Variants in SND1 observed in about 807,000 individuals in gnomAD.
SND1 encodes staphylococcal nuclease and tudor domain containing 1, also known as staphylococcal nuclease domain-containing protein 1.
A neutral mutation model predicts 121.7 loss-of-function variants in SND1; 38 were observed. The ratio of observed to expected loss-of-function variants is 0.31; its 90% CI spans 0.24 to 0.41. The LOEUF (loss-of-function observed/expected upper bound fraction) is 0.41, where lower values mean the gene tolerates loss of function less well. SND1 is among the 10% of genes least tolerant of loss of function. SND1 has a pLI of 1.00. For missense variants in SND1, 868 were observed against 1,184.6 expected (o/e 0.73, Z 3.92); for synonymous variants, 401 against 447.4 (o/e 0.90, Z 1.31).
intron 10 of SND1, among the ~76,000 whole-genome samples, chr7:127,792,584 A>G (rs866603953): frequency 3.3e-5 from 5 of 152,320 alleles, no homozygotes; most frequent in Middle Eastern, 3.4e-3. Flanking sequence ...TTGGGGGAAT[A>G]AGAAAAGAAA....
chr7:127,821,867 A>G (rs1174334279), intron 11 of SND1, among the ~76,000 whole-genome samples: 1 of 152,224 alleles, frequency 6.6e-6, no homozygotes, highest in African/African-American at 2.4e-5. Flanking sequence ...GTCATTTGGC[A>G]GGAAAGCCAT....
chr7:127,815,336 G>A (rs1015492500), intron 11 of SND1, among the ~76,000 whole-genome samples: 5 of 151,994 alleles, frequency 3.3e-5, no homozygotes, highest in East Asian at 1.9e-4. Flanking sequence ...ATAAGAAGAC[G>A]ATCTATAGCC....
chr7:127,920,150 T>G (rs1800668863), intron 14 of SND1, among the ~76,000 whole-genome samples: 1 of 152,202 alleles, frequency 6.6e-6, no homozygotes, highest in Non-Finnish European at 1.5e-5. Context: ...TTCAACATAT[T>G]CAAGAGTAGG....
At chr7:127,912,118 T>G (rs1800471244) in intron 14 of SND1, among the ~76,000 whole-genome samples, 1 of 152,230 alleles carries the variant, frequency 6.6e-6, no homozygotes, top group African/African-American at 2.4e-5. Flanking sequence ...CCTGGCTGTC[T>G]ATAGTTTCTT....
intron 10 of SND1, among the ~76,000 whole-genome samples, chr7:127,752,990 T>A (rs1966517): frequency 6.6e-6 from 1 of 152,134 alleles, no homozygotes; most frequent in African/African-American, 2.4e-5. Flanking sequence ...AGACAGCTGA[T>A]TTAGCATTGA....
At chr7:128,012,892 G>A (rs1009024203) in intron 16 of SND1, among the ~76,000 whole-genome samples, 5 of 152,134 alleles carry the variant, frequency 3.3e-5, no homozygotes, top group Non-Finnish European at 5.9e-5. Flanking sequence ...CAGAGGAAGC[G>A]TTATGGACTG....
intron 16 of SND1, among the ~76,000 whole-genome samples, chr7:128,057,238 A>G (rs1308735388): frequency 6.6e-6 from 1 of 152,234 alleles, no homozygotes; most frequent in South Asian, 2.1e-4. Context: ...GGGGCTTCAG[A>G]AAAGATTTCC....
chr7:127,984,637 G>A (rs1339709141), intron 15 of SND1, among the ~76,000 whole-genome samples: 1 of 152,178 alleles, frequency 6.6e-6, no homozygotes, highest in Non-Finnish European at 1.5e-5. Flanking sequence ...GTTAAGTGCT[G>A]GAAAGATTAA....
chr7:128,053,599 C>T (rs1480386943), intron 16 of SND1, among the ~76,000 whole-genome samples: 1 of 151,928 alleles, frequency 6.6e-6, no homozygotes, highest in African/African-American at 2.4e-5. Flanking sequence ...GAAATCAGTC[C>T]AGGAGCAAGA....
rs974594585 is a variant in SND1, at chr7:128,015,303, A to G, written c.1779+24247A>G. On this transcript the variant is annotated intron_variant, in intron 16 of 23. Transcript: ENST00000354725. The surrounding 1 kb of genome is among the most constrained non-coding windows in gnomAD (Gnocchi z 4.5). ...GTTCTGGCATATTAATCAGGGTGACATGATAAAAAGAATTTATCTGAAACT... is the reference window on the plus strand; with the variant it reads ...GTTCTGGCATATTAATCAGGGTGACGTGATAAAAAGAATTTATCTGAAACT... Among the ~76,000 whole-genome samples, 2 of 152,244 alleles carry G rather than the reference A, an allele frequency of 1.3e-5. No homozygotes were observed. The highest frequency in any genetic ancestry group is 4.8e-5 in the African/African-American group (2 of 41,460).
intron 15 of SND1, among the ~76,000 whole-genome samples, chr7:127,983,001 T>C (rs1429079468): frequency 6.6e-6 from 1 of 152,246 alleles, no homozygotes; most frequent in Non-Finnish European, 1.5e-5. Flanking sequence ...ATTTTGTTCT[T>C]GATACTTAAG....
intron 15 of SND1, among the ~76,000 whole-genome samples, chr7:127,978,554 A>T (rs931602732): frequency 2.0e-5 from 3 of 152,192 alleles, no homozygotes; most frequent in African/African-American, 7.2e-5. Flanking sequence ...AGGAAAGTGG[A>T]CATTCATAGA....
intron 10 of SND1, among the ~76,000 whole-genome samples, chr7:127,762,789 T>C (rs1797328730): frequency 6.6e-6 from 1 of 152,242 alleles, no homozygotes; most frequent in Admixed American, 6.5e-5. Flanking sequence ...ATTCAGTTAG[T>C]AGCTGTTACA....
At chr7:127,872,822 C>T (rs773771205) in intron 12 of SND1, among the ~76,000 whole-genome samples, 7 of 151,974 alleles carry the variant, frequency 4.6e-5, no homozygotes, top group African/African-American at 1.2e-4. Flanking sequence ...TTACTGTCTG[C>T]GATCGATTTT....
intron 14 of SND1, among the ~76,000 whole-genome samples, chr7:127,926,717 T>C (rs1489775415): frequency 1.0e-5 from 1 of 99,114 alleles, no homozygotes; most frequent in African/African-American, 3.9e-5. Context: ...CACACCCGGC[T>C]ATTTTGTTGT....
rs1463805056 is a variant in SND1, at chr7:128,052,517, G to A, written c.1780-21985G>A. On this transcript the variant is annotated intron_variant, in intron 16 of 23. Coordinates refer to ENST00000354725, the MANE Select transcript of SND1 (RefSeq NM_014390.4). The surrounding 1 kb of genome is among the most constrained non-coding windows in gnomAD (Gnocchi z 4.6). ...AGCAGCATCTGCTGAAAGGGGTGTA[G>A]TCATCCTGGCCCCAGACAGAGCTGT... is the stretch of plus-strand genomic sequence containing the variant. Among the ~76,000 whole-genome samples, 1 of 152,228 alleles carries A rather than the reference G, an allele frequency of 6.6e-6. No homozygotes were observed. The highest frequency in any genetic ancestry group is 1.5e-5 in the Non-Finnish European group (1 of 68,044).
At chr7:127,694,752 G>T (rs930502802) in intron 2 of SND1, 76 bp from the exon 3 acceptor site, 52 of 1,560,692 alleles carry the variant, frequency 3.3e-5, no homozygotes, top group Non-Finnish European at 3.9e-5. Flanking sequence ...TTTACTGAAG[G>T]TATGAAGTTG....
intron 15 of SND1, among the ~76,000 whole-genome samples, chr7:127,968,187 T>C (rs1443117622): frequency 1.3e-5 from 2 of 152,242 alleles, no homozygotes; most frequent in African/African-American, 4.8e-5. Context: ...GTTGCTTTTT[T>C]TCAAAGAATA....
intron 10 of SND1, among the ~76,000 whole-genome samples, chr7:127,760,293 A>T (rs1436866369): frequency 6.6e-6 from 1 of 152,206 alleles, no homozygotes; most frequent in Non-Finnish European, 1.5e-5. Flanking sequence ...TTGTGTCGGA[A>T]ACCAGCCCCA....
Sources: allele counts gnomAD v4.1 joint callset (sites outside exome capture counted in the v4.1 genomes callset), GRCh38; gene constraint gnomAD v4.1.1; non-coding constraint Gnocchi (gnomAD v3.1); transcripts MANE v1.5; gene names NCBI Gene and HGNC (gene_info 2026-07-23, HGNC 2026-07-21).